Variants in DIAPH3 observed in about 807,000 individuals in gnomAD.
DIAPH3 encodes protein diaphanous homolog 3.
In DIAPH3, 117 loss-of-function variants were observed where a neutral mutation model predicts 144.3. The ratio of observed to expected loss-of-function variants is 0.81; its 90% CI spans 0.70 to 0.95. The LOEUF (loss-of-function observed/expected upper bound fraction) is 0.95, where lower values mean the gene tolerates loss of function less well. Among genes scored for constraint, DIAPH3 ranks in the 40% least tolerant of loss-of-function variants. The pLI, the probability that DIAPH3 is intolerant of heterozygous loss-of-function variation, is 0.00. For synonymous variants in DIAPH3, 519 were observed against 488.9 expected, an observed-to-expected ratio of 1.06 and a Z score of -0.81; for missense variants, 1,421 against 1,412.7, an observed-to-expected ratio of 1.01 and a Z score of -0.09.
Position 60,111,036 on chromosome 13 carries a change from A to G in DIAPH3, c.390+974T>C, listed in dbSNP as rs187742624. 2.3e-3 allele frequency among the ~76,000 whole-genome samples: 343 copies of G among 152,246 alleles called. 2 individuals are homozygous for G. The highest frequency in any genetic ancestry group is 7.5e-3 in the African/African-American group (313 of 41,554). On this transcript the variant is annotated intron_variant, in intron 3 of 27. Transcript: ENST00000400324. ...TACTCAGATGGCACCCTCAATTATGATGAAATTTTTTAACTTAGTAGCCAC... is the reference window on the plus strand; with the variant it reads ...TACTCAGATGGCACCCTCAATTATGGTGAAATTTTTTAACTTAGTAGCCAC...
chr13:59,714,012 T>TA (rs1340523516), intron 27 of DIAPH3, among the ~76,000 whole-genome samples: 2 of 152,058 alleles, frequency 1.3e-5, no homozygotes, highest in African/African-American at 4.8e-5. Flanking sequence ...TGATAGGAGT[T>TA]AGAGACCAGC....
intron 27 of DIAPH3, among the ~76,000 whole-genome samples, chr13:59,692,497 T>C (rs1228739190): frequency 6.7e-6 from 1 of 150,086 alleles, no homozygotes; most frequent in Non-Finnish European, 1.5e-5. Flanking sequence ...ATCCATCTTC[T>C]GGACACTAAA....
At chr13:60,120,350 C>T (rs2058815562) in intron 2 of DIAPH3, among the ~76,000 whole-genome samples, 1 of 152,126 alleles carries the variant, frequency 6.6e-6, no homozygotes, top group Admixed American at 6.5e-5. Flanking sequence ...GACTTAACCA[C>T]CCAGGAACAA....
At chr13:59,901,474 C>T (rs1025104830) in intron 20 of DIAPH3, among the ~76,000 whole-genome samples, 7 of 152,190 alleles carry the variant, frequency 4.6e-5, no homozygotes, top group African/African-American at 1.7e-4. Context: ...GAAAGTCCTT[C>T]CTAACCACAC....
intron 27 of DIAPH3, among the ~76,000 whole-genome samples, chr13:59,721,268 C>A (rs1455000567): frequency 6.6e-6 from 1 of 152,084 alleles, no homozygotes; most frequent in Non-Finnish European, 1.5e-5. Context: ...CAAGTAAGGG[C>A]TTTTTACCGA....
At chr13:59,799,264 G>A (rs1335476431) in intron 25 of DIAPH3, among the ~76,000 whole-genome samples, 1 of 152,004 alleles carries the variant, frequency 6.6e-6, no homozygotes, top group African/African-American at 2.4e-5. Context: ...ATGCACAGAA[G>A]GGTGGCCGAA....
At chr13:60,138,814 G>C (rs1398105888) in intron 1 of DIAPH3, among the ~76,000 whole-genome samples, 1 of 134,126 alleles carries the variant, frequency 7.5e-6, no homozygotes, top group African/African-American at 2.7e-5. Flanking sequence ...AGAGGGAAGA[G>C]GGAAGAGGGG....
intron 21 of DIAPH3, among the ~76,000 whole-genome samples, chr13:59,871,187 AT>A (rs36004791): frequency 0.047 from 2,803 of 60,014 alleles, 66 homozygotes; most frequent in East Asian, 0.27. Context: ...TTTTTTGTCC[AT>A]TTTTTTTGGG....
intron 22 of DIAPH3, among the ~76,000 whole-genome samples, chr13:59,855,964 T>C (rs141188897): frequency 0.017 from 2,591 of 152,142 alleles, 65 homozygotes; most frequent in East Asian, 0.098. Flanking sequence ...TGGTATAGTA[T>C]GATTAACTGT....
At chr13:60,124,846 G>A (rs1254400136) in intron 2 of DIAPH3, among the ~76,000 whole-genome samples, 3 of 151,682 alleles carry the variant, frequency 2.0e-5, no homozygotes, top group Non-Finnish European at 2.9e-5. Flanking sequence ...AAAAAAAAAA[G>A]GGGAAAGAAT....
intron 24 of DIAPH3, among the ~76,000 whole-genome samples, chr13:59,830,287 T>C (rs908222536): frequency 6.6e-5 from 10 of 151,692 alleles, no homozygotes; most frequent in Non-Finnish European, 8.8e-5. Context: ...AATATAACCA[T>C]ATTTACCCCC....
intron 14 of DIAPH3, among the ~76,000 whole-genome samples, chr13:59,975,148 T>C (rs1288162313): frequency 6.6e-6 from 1 of 151,890 alleles, no homozygotes; most frequent in Non-Finnish European, 1.5e-5. Context: ...GCCATTATTA[T>C]GACTAAAAAC....
At chr13:59,717,268 T>C (rs1280662838) in intron 27 of DIAPH3, among the ~76,000 whole-genome samples, 2 of 152,220 alleles carry the variant, frequency 1.3e-5, no homozygotes, top group Non-Finnish European at 2.9e-5. Context: ...AAGAATAGTA[T>C]CTATACATAC....
intron 22 of DIAPH3, 96 bp downstream of exon 22, chr13:59,861,311 G>T: frequency 6.3e-7 from 1 of 1,598,232 alleles, no homozygotes; most frequent in South Asian, 1.1e-5. Flanking sequence ...AAAACACTGT[G>T]AGAAAGTGGA....
intron 4 of DIAPH3, among the ~76,000 whole-genome samples, chr13:60,081,627 A>G (rs1386211946): frequency 6.6e-6 from 1 of 152,082 alleles, no homozygotes; most frequent in Non-Finnish European, 1.5e-5. Context: ...TTGAGTGACA[A>G]AGTACCTTCT....
At chr13:59,974,568 T>C (rs914960624) in intron 14 of DIAPH3, 112 bp from the exon 15 acceptor site, 29 of 974,240 alleles carry the variant, frequency 3.0e-5, no homozygotes, top group Admixed American at 8.5e-5. Context: ...AATTCCTGAA[T>C]TGGTTTTATG....
intron 4 of DIAPH3, among the ~76,000 whole-genome samples, chr13:60,091,212 T>A (rs1304433301): frequency 6.6e-6 from 1 of 152,224 alleles, no homozygotes; most frequent in Non-Finnish European, 1.5e-5. Flanking sequence ...GTCTGTTATT[T>A]TTTTTCCACA....
intron 17 of DIAPH3, among the ~76,000 whole-genome samples, chr13:59,929,101 A>G (rs2140321437): frequency 6.6e-6 from 1 of 152,340 alleles, no homozygotes; most frequent in South Asian, 2.1e-4. Flanking sequence ...GGTTATGTTC[A>G]AAGGAAATGT....
At chr13:59,932,345 C>T (rs1395727410) in intron 17 of DIAPH3, among the ~76,000 whole-genome samples, 2 of 151,966 alleles carry the variant, frequency 1.3e-5, no homozygotes, top group Admixed American at 6.6e-5. Context: ...TTTCTGTTTC[C>T]GTTTCTTATA....
Sources: gnomAD v4.1 joint callset for allele counts (sites outside exome capture counted in the v4.1 genomes callset) on GRCh38, gnomAD v4.1.1 for gene constraint, MANE v1.5 for transcripts, NCBI Gene and HGNC (gene_info 2026-07-23, HGNC 2026-07-21) for gene names.